Variants in L1TD1 observed in about 807,000 individuals in gnomAD.
The protein encoded by L1TD1 is LINE1 type transposase domain containing 1.
Under a neutral mutation model 25.7 loss-of-function variants are expected in L1TD1, and 26 were observed. That is an observed-to-expected ratio of 1.01 (90% CI 0.74 to 1.40). The LOEUF (loss-of-function observed/expected upper bound fraction) is 1.40, where lower values mean the gene tolerates loss of function less well. Among genes scored for constraint, L1TD1 ranks in the 40% most tolerant of loss-of-function variants. L1TD1 has a pLI of 0.00. For synonymous variants in L1TD1, 421 were observed against 335.6 expected, an observed-to-expected ratio of 1.25 and a Z score of -2.78; for missense variants, 1,130 against 975.0, an observed-to-expected ratio of 1.16 and a Z score of -2.12.
Position 62,210,143 on chromosome 1 carries a change from G to C in L1TD1, c.1369G>C (p.Glu457Gln), listed in dbSNP as rs1464487951. The change falls in exon 4 of 4, where the codon GAA becomes CAA. Residue 457 changes from glutamate to glutamine, a missense_variant. Glu to Gln is a conservative substitution (Grantham distance 29, BLOSUM62 2). Coordinates refer to ENST00000498273, the MANE Select transcript of L1TD1 (RefSeq NM_019079.5). Reference sequence around the variant, plus strand: ...TCATACTTTGGTAGATGCAAAGCATGAAGTTGAGATAACCAGTGATGGCAT... The same window carrying C: ...TCATACTTTGGTAGATGCAAAGCATCAAGTTGAGATAACCAGTGATGGCAT... ...QGHTLVDAKH[E>Q]VEITSDGMET... 3 of 1,614,162 alleles carry C rather than the reference G, an allele frequency of 1.9e-6. No homozygotes were observed. In the South Asian group the frequency reaches 3.3e-5, roughly 18 times the overall value.
At chr1:62,199,482 A>AG (rs1381853217) in intron 2 of L1TD1, among the ~76,000 whole-genome samples, 1 of 148,134 alleles carries the variant, frequency 6.8e-6, no homozygotes, top group Non-Finnish European at 1.5e-5. Flanking sequence ...TAATCCACAG[A>AG]GTGAGACTCT....
Position 62,206,890 on chromosome 1 carries a change from C to CTT in L1TD1, c.262_263insTT (p.Pro88LeufsTer4), listed in dbSNP as rs766946030. The stretch of plus-strand genomic sequence containing the variant: ...AGTTTTAGGGGGAAAAGCTACAATA[C>CTT]CTGAGGTAAAGAATTCAGAGAACTC... On this transcript the variant is annotated frameshift_variant, in exon 3 of 4. Coordinates refer to ENST00000498273, the MANE Select transcript of L1TD1 (RefSeq NM_019079.5). LOFTEE classifies it high-confidence loss of function. 1 of 1,613,660 alleles carries CTT rather than the reference C, an allele frequency of 6.2e-7. No homozygotes were observed. Among genetic ancestry groups the CTT allele is most frequent in the East Asian group, 2.2e-5 (1 of 44,824 alleles).
chr1:62,210,622 C>A lies in L1TD1; in HGVS notation c.1848C>A (p.Asn616Lys). ...ACTTAACAGAGGAAACAGAAGAAAA[C>A]TTGAGAAGTAGTGTGATTAATAGCA... is the stretch of plus-strand genomic sequence containing the variant. The part of the protein sequence containing the change: ...EADLTEETEE[N>K]LRSSVINSIR... Residue 616 changes from asparagine (N) to lysine (K), a missense_variant, in exon 4 of 4, where the codon AAC (asparagine) becomes AAA (lysine). Transcript: ENST00000498273. 1 of 1,597,960 alleles carries A rather than the reference C, an allele frequency of 6.3e-7. No homozygotes were observed. The highest frequency in any genetic ancestry group is 8.5e-7 in the Non-Finnish European group (1 of 1,171,552).
chr1:62,210,486 A>T lies in L1TD1; in HGVS notation c.1712A>T (p.Lys571Met). 6.2e-7 allele frequency: 1 copy of T among 1,614,180 alleles called. No individual in the cohort carries two copies. Reference sequence around the variant, plus strand: ...GAGATGAGTCATGATGAGCATAAAAAGCATTCACATACAAATTTGAGTATT... The same window carrying T: ...GAGATGAGTCATGATGAGCATAAAATGCATTCACATACAAATTTGAGTATT... ...SLEMSHDEHK[K>M]HSHTNLSIST... The change falls in exon 4 of 4, where the codon AAG (lysine) becomes ATG (methionine). Residue 571 changes from lysine to methionine, a missense_variant. By Grantham distance (95) the Lys-to-Met change is moderately conservative. Transcript: ENST00000498273.
intron 2 of L1TD1, among the ~76,000 whole-genome samples, chr1:62,205,366 A>ACTCCCCTCTCTCT (rs1557443295): frequency 9.4e-6 from 1 of 105,870 alleles, no homozygotes; most frequent in African/African-American, 3.6e-5. Flanking sequence ...ACCAACGAAA[A>ACTCCCCTCTCTCT]CTCTCTTTCT....
chr1:62,210,037 T>C lies in L1TD1; in HGVS notation c.1263T>C (p.Ala421=), dbSNP rs7551777. ...SGLEEEEEEE[A]SGLEEDEASG... is the part of the protein sequence containing the mutation. ...TGGAGGAGGAAGAAGAAGAAGAGGCTTCAGGGTTGGAGGAGGATGAGGCCT... is the reference window on the plus strand; with the variant it reads ...TGGAGGAGGAAGAAGAAGAAGAGGCCTCAGGGTTGGAGGAGGATGAGGCCT... The change falls in exon 4 of 4, where the codon GCT becomes GCC. Residue 421 remains alanine (A), a synonymous_variant. Transcript: ENST00000498273. 149,811 of 1,612,936 alleles carry C rather than the reference T, an allele frequency of 0.093. 8,294 individuals carry two copies. The highest frequency in any genetic ancestry group is 0.19 in the South Asian group (17,030 of 91,010).
rs1670757669 is a variant in L1TD1 at position 62,206,894 on chromosome 1, A to G, written c.266A>G (p.Glu89Gly). Residue 89 changes from glutamate to glycine, a missense_variant, in exon 3 of 4, where the codon GAG becomes GGG. Glu to Gly is a moderately conservative substitution (Grantham distance 98). Transcript: ENST00000498273. Reference sequence around the variant, plus strand: ...TTAGGGGGAAAAGCTACAATACCTGAGGTAAAGAATTCAGAGAACTCCAGT... The same window carrying G: ...TTAGGGGGAAAAGCTACAATACCTGGGGTAAAGAATTCAGAGAACTCCAGT... Reference protein sequence around the residue: ...AVLGGKATIPEVKNSENSSSR... With the variant: ...AVLGGKATIPGVKNSENSSSR... The G allele has an allele frequency of 6.2e-7, 1 of 1,613,734 alleles. No homozygotes were observed. The highest frequency in any genetic ancestry group is 1.3e-5 in the African/African-American group (1 of 74,926).
At chr1:62,203,601 C>T (rs1032528054) in intron 2 of L1TD1, among the ~76,000 whole-genome samples, 5 of 151,742 alleles carry the variant, frequency 3.3e-5, no homozygotes, top group South Asian at 4.2e-4. Flanking sequence ...TCTTTTGAGA[C>T]GGAGTCTCGC....
rs1219031919 is a variant in L1TD1, at chr1:62,207,314, C to G, written c.686C>G (p.Ala229Gly). The G allele has an allele frequency of 6.4e-7, 1 of 1,550,540 alleles. No homozygotes were observed. Among genetic ancestry groups the G allele is most frequent in the Non-Finnish European group, 8.7e-7 (1 of 1,146,730 alleles). The change falls in exon 3 of 4, where the codon GCC becomes GGC. Residue 229 changes from alanine (A) to glycine (G), a missense_variant. Physicochemically the swap from Ala to Gly is moderately conservative, Grantham distance 60. Transcript: ENST00000498273. ...AAGAATAAAGAGGAGGTTTTAAAAG[C>G]CTCCAGAGAAGAAAAAGTGTTGATG... Reference protein sequence around the residue: ...KLKNKEEVLKASREEKVLMDE... With the variant: ...KLKNKEEVLKGSREEKVLMDE...
rs995861742 is a variant in L1TD1 at position 62,210,975 on chromosome 1, A to C, written c.2201A>C (p.Lys734Thr). 3.2e-6 allele frequency: 5 copies of C among 1,546,144 alleles called. No individual in the cohort carries two copies. The African/African-American group carries it at 6.9e-5, about 21-fold the overall frequency. Residue 734 changes from lysine to threonine, a missense_variant, in exon 4 of 4, where the codon AAA becomes ACA. Transcript: ENST00000498273. ...GATGAAAACTTTGCAGAACTAAAGA[A>C]AGGTTCAAGTCTTGAGATTGTCAGT... The part of the protein sequence containing the change: ...IIDENFAELK[K>T]GSSLEIVSAC...
rs751646211 is a variant in L1TD1, at chr1:62,210,452, A to G, written c.1678A>G (p.Lys560Glu). The change falls in exon 4 of 4, where the codon AAG (lysine) becomes GAG (glutamate). Residue 560 changes from lysine (K) to glutamate (E), a missense_variant. By Grantham distance (56) the Lys-to-Glu change is moderately conservative. Coordinates refer to ENST00000498273, the MANE Select transcript of L1TD1 (RefSeq NM_019079.5). ...CLTLCLASPS[K>E]SLEMSHDEHK... ...GACCTTATGTTTGGCCTCTCCCTCA[A>G]AGTCACTAGAGATGAGTCATGATGA... is the stretch of plus-strand genomic sequence containing the variant. The G allele has an allele frequency of 1.6e-5, 26 of 1,614,066 alleles. No individual in the cohort carries two copies. The Middle Eastern group carries it at 1.2e-3, about 71-fold the overall frequency.
intron 2 of L1TD1, among the ~76,000 whole-genome samples, chr1:62,205,437 A>ATTTTTT (rs1169759217): frequency 2.8e-4 from 12 of 42,426 alleles, no homozygotes; most frequent in African/African-American, 4.6e-4. Flanking sequence ...ATATATATAT[A>ATTTTTT]TATATATTTT....
Position 62,211,805 on chromosome 1 carries a change from AAT to A in L1TD1, c.*435_*436del, listed in dbSNP as rs1018775305. On this transcript the variant is annotated 3_prime_UTR_variant, in exon 4 of 4. Coordinates refer to ENST00000498273, the MANE Select transcript of L1TD1 (RefSeq NM_019079.5). ...ACAGTGAAACCCCGTCTCTACTAAA[AAT>A]AAAAAAAATTAGCCGGGCATGGTGG... The A allele has an allele frequency of 2.8e-5, 4 of 144,154 alleles. No individual in the cohort carries two copies. Among genetic ancestry groups the A allele is most frequent in the African/African-American group, 7.6e-5 (3 of 39,418 alleles). 8.9% of individuals were successfully genotyped at this position (144,154 alleles called of 1,614,324 possible).
At chr1:62,202,535 C>A (rs908551920) in intron 2 of L1TD1, among the ~76,000 whole-genome samples, 1 of 114,110 alleles carries the variant, frequency 8.8e-6, no homozygotes, top group Non-Finnish European at 1.8e-5. Flanking sequence ...ATGCTTTTTT[C>A]TTTTTCTTTT....
At chr1:62,206,423 T>C (rs1670746175) in intron 2 of L1TD1, 96 bp from the exon 3 acceptor site, 2 of 346,474 alleles carry the variant, frequency 5.8e-6, no homozygotes, top group Non-Finnish European at 1.0e-5. Flanking sequence ...TATTATGGAG[T>C]GCACCCAGCA....
rs1056482927 is a variant in L1TD1, at chr1:62,207,680, G to A, written c.1008+44G>A. 9 of 1,449,778 alleles carry A rather than the reference G, an allele frequency of 6.2e-6. No individual in the cohort carries two copies. In the African/African-American group the frequency reaches 1.1e-4, roughly 19 times the overall value. 89.8% of individuals were successfully genotyped at this position (1,449,778 alleles called of 1,614,324 possible). On this transcript the variant is annotated intron_variant, in intron 3 of 3. Transcript: ENST00000498273. ...AAATGTATAAAGCTTATGTATAAATGTAATAGTAGGCATGGTTATTTTGAA... is the reference window on the plus strand; with the variant it reads ...AAATGTATAAAGCTTATGTATAAATATAATAGTAGGCATGGTTATTTTGAA...
At chr1:62,196,728 G>C (rs991415589) in intron 2 of L1TD1, among the ~76,000 whole-genome samples, 200 bp downstream of exon 2, 1 of 152,084 alleles carries the variant, frequency 6.6e-6, no homozygotes, top group African/African-American at 2.4e-5. Context: ...AAGTAGCTGG[G>C]ATTACAGGCG....
At chr1:62,206,453 CAT>C (rs898799066) in intron 2 of L1TD1, 64 bp from the exon 3 acceptor site, 12 of 553,438 alleles carry the variant, frequency 2.2e-5, no homozygotes, top group African/African-American at 1.7e-4. Flanking sequence ...TAACTAAGCT[CAT>C]ATTCTTACCA....
At chr1:62,199,723 A>G (rs987256182) in intron 2 of L1TD1, among the ~76,000 whole-genome samples, 3 of 152,090 alleles carry the variant, frequency 2.0e-5, no homozygotes, top group African/African-American at 7.2e-5. Context: ...TGCACCTGTC[A>G]TGTACTATAG....
Sources: gnomAD v4.1 joint callset for allele counts (sites outside exome capture counted in the v4.1 genomes callset) on GRCh38, gnomAD v4.1.1 for gene constraint, MANE v1.5 for transcripts, NCBI Gene and HGNC (gene_info 2026-07-23, HGNC 2026-07-21) for gene names.